TSPAN8: variants seen among roughly 807,000 people sequenced by gnomAD.
TSPAN8 encodes the protein tetraspanin 8, also known as tetraspanin-8.
A neutral mutation model predicts 32.8 loss-of-function variants in TSPAN8; 21 were observed. The ratio of observed to expected loss-of-function variants is 0.64; its 90% CI spans 0.45 to 0.92. The LOEUF (loss-of-function observed/expected upper bound fraction) is 0.92, where lower values mean the gene tolerates loss of function less well. Among genes scored for constraint, TSPAN8 ranks in the 40% least tolerant of loss-of-function variants. The pLI, the probability that TSPAN8 is intolerant of heterozygous loss-of-function variation, is 0.00. For synonymous variants in TSPAN8, 95 were observed against 94.6 expected (o/e 1.00, Z -0.03); for missense variants, 269 against 281.9 (o/e 0.95, Z 0.33).
intron 8 of TSPAN8, 30 bp from the exon 9 acceptor site, chr12:71,125,417 G>A: frequency 6.4e-7 from 1 of 1,567,558 alleles, no homozygotes; most frequent in Non-Finnish European, 8.7e-7. Flanking sequence ...GATTAACATG[G>A]AATTTAAGGG....
intron 6 of TSPAN8, 32 bp from the exon 7 acceptor site, chr12:71,132,856 C>G (rs757095965): frequency 1.2e-6 from 2 of 1,611,984 alleles, no homozygotes; most frequent in Non-Finnish European, 1.7e-6. Flanking sequence ...GAGAAGCAGT[C>G]AGTAAGAAGA....
chr12:71,147,538 A>G (rs963601419), intron 2 of TSPAN8, among the ~76,000 whole-genome samples: 3 of 152,240 alleles, frequency 2.0e-5, no homozygotes, highest in Admixed American at 6.5e-5. Context: ...TATGATAAAC[A>G]CAGAACACTA....
chr12:71,144,025 G>A, intron 3 of TSPAN8, 126 bp downstream of exon 3: 1 of 724,850 alleles, frequency 1.4e-6, no homozygotes, highest in Non-Finnish European at 2.2e-6. Flanking sequence ...AACAGCACAA[G>A]TGATTACATG....
chr12:71,154,091 C>T (rs538131406), intron 2 of TSPAN8, among the ~76,000 whole-genome samples: 2 of 152,054 alleles, frequency 1.3e-5, no homozygotes, highest in South Asian at 4.2e-4. Context: ...GATGGATCAC[C>T]TGAGGTCAGG....
At chr12:71,139,060 GCTCT>G (rs1452469546) in intron 4 of TSPAN8, 4 of 454,560 alleles carry the variant, frequency 8.8e-6, no homozygotes, top group East Asian at 7.0e-5. Flanking sequence ...CCTCCTCAAT[GCTCT>G]CTAAGAGATA....
Position 71,133,973 on chromosome 12 carries a change from C to T in TSPAN8, c.445-1149G>A, listed in dbSNP as rs562078891. ...TCCCAGCTCTGATACATTGCAATGC[C>T]AAGATATTGAAAGAATTTTCACTTA... is the stretch of plus-strand genomic sequence containing the variant. On this transcript the variant is annotated intron_variant, in intron 6 of 8. Coordinates refer to ENST00000247829, the MANE Select transcript of TSPAN8 (RefSeq NM_004616.3). Among the ~76,000 whole-genome samples, 5 of 152,082 alleles carry T rather than the reference C, an allele frequency of 3.3e-5. No individual in the cohort carries two copies. In the South Asian group the frequency reaches 8.3e-4, roughly 25 times the overall value.
intron 3 of TSPAN8, among the ~76,000 whole-genome samples, chr12:71,141,907 G>C (rs939679859): frequency 3.3e-5 from 5 of 152,146 alleles, no homozygotes; most frequent in Non-Finnish European, 7.3e-5. Context: ...TGGATCAGAA[G>C]GGACCTCCTG....
intron 2 of TSPAN8, among the ~76,000 whole-genome samples, chr12:71,152,999 A>G: frequency 6.6e-6 from 1 of 152,282 alleles, no homozygotes; most frequent in South Asian, 2.1e-4. Context: ...TTACTAATAC[A>G]TTCAGCTTTA....
Position 71,129,368 on chromosome 12 carries a change from A to G in TSPAN8, c.623T>C (p.Ile208Thr). The G allele has an allele frequency of 6.3e-7, 1 of 1,586,832 alleles. No homozygotes were observed. ...CAGTCCAAATGATATTCCAATAACT[A>G]TAATCAAATTTTTTGCCAAGAAGTC... ...IKDFLAKNLI[I>T]VIGISFGLAV... Residue 208 changes from isoleucine (I) to threonine (T), a missense_variant, in exon 8 of 9, where the codon ATA (isoleucine) becomes ACA (threonine). Transcript: ENST00000247829.
chr12:71,144,881 T>G (rs1356654853), intron 2 of TSPAN8, among the ~76,000 whole-genome samples: 1 of 152,160 alleles, frequency 6.6e-6, no homozygotes, highest in Non-Finnish European at 1.5e-5. Flanking sequence ...ATTATTTAAT[T>G]TGGACCAATG....
Position 71,125,249 on chromosome 12 carries a change from T to G in TSPAN8, c.*85A>C. The G allele has an allele frequency of 8.5e-7, 1 of 1,182,444 alleles. No individual in the cohort carries two copies. Among genetic ancestry groups the G allele is most frequent in the Non-Finnish European group, 1.2e-6 (1 of 813,532 alleles). 73.2% of individuals were successfully genotyped at this position (1,182,444 alleles called of 1,614,324 possible). ...TAAAAAGACAGCTGCTCCTGACTTA[T>G]ATAGCACTTACATATTTAAATTTAC... On this transcript the variant is annotated 3_prime_UTR_variant, in exon 9 of 9. Transcript: ENST00000247829.
intron 8 of TSPAN8, among the ~76,000 whole-genome samples, chr12:71,129,023 G>A (rs1046043482): frequency 6.6e-6 from 1 of 152,030 alleles, no homozygotes; most frequent in Non-Finnish European, 1.5e-5. Context: ...CTAGTTTTCA[G>A]TGGGAAAAAT....
chr12:71,149,888 G>A (rs1189341619), intron 2 of TSPAN8, among the ~76,000 whole-genome samples: 1 of 152,158 alleles, frequency 6.6e-6, no homozygotes, highest in East Asian at 1.9e-4. Context: ...ACTGCCTGTG[G>A]GGTCGAGCAA....
At chr12:71,139,663 C>A (rs370266217) in intron 4 of TSPAN8, 48 bp downstream of exon 4, 166 of 1,599,990 alleles carry the variant, frequency 1.0e-4, no homozygotes, top group Non-Finnish European at 1.3e-4. Context: ...GGGAGAGAAT[C>A]CTCTGGAGTC....
At chr12:71,139,050 C>T (rs900132677) in intron 4 of TSPAN8, 1 of 449,530 alleles carries the variant, frequency 2.2e-6, no homozygotes, top group South Asian at 1.6e-5. Context: ...CCCAATTTAT[C>T]CTCCTCAATG....
chr12:71,150,053 G>A (rs1289129932), intron 2 of TSPAN8, among the ~76,000 whole-genome samples: 1 of 152,164 alleles, frequency 6.6e-6, no homozygotes, highest in Non-Finnish European at 1.5e-5. Flanking sequence ...AGCTTCTCCG[G>A]GAGTGTCTGT....
chr12:71,135,754 C>T (rs1592402035), intron 6 of TSPAN8, among the ~76,000 whole-genome samples: 1 of 152,108 alleles, frequency 6.6e-6, no homozygotes, highest in South Asian at 2.1e-4. Context: ...GTTACTAGGA[C>T]CCAAACCAGA....
chr12:71,151,761 T>C (rs1872262739), intron 2 of TSPAN8, among the ~76,000 whole-genome samples: 1 of 152,240 alleles, frequency 6.6e-6, no homozygotes, highest in Non-Finnish European at 1.5e-5. Flanking sequence ...TATCCTATAT[T>C]CCTACCTTGA....
At chr12:71,155,714 G>T (rs1872404524) in intron 2 of TSPAN8, among the ~76,000 whole-genome samples, 1 of 151,800 alleles carries the variant, frequency 6.6e-6, no homozygotes, top group South Asian at 2.1e-4. Flanking sequence ...TTTTTAAAGT[G>T]TAATAATGAT....
Sources: gnomAD v4.1 joint callset for allele counts (sites outside exome capture counted in the v4.1 genomes callset) on GRCh38, gnomAD v4.1.1 for gene constraint, MANE v1.5 for transcripts, NCBI Gene and HGNC (gene_info 2026-07-23, HGNC 2026-07-21) for gene names.